Variants in CUBN observed in about 807,000 individuals in gnomAD.
CUBN encodes the protein 460 kDa receptor.
In CUBN, 282 loss-of-function variants were observed where a neutral mutation model predicts 405.3. The observed-to-expected ratio is 0.70, with a 90% CI of 0.63 to 0.77. The LOEUF is 0.77. Among genes scored for constraint, CUBN ranks in the 30% least tolerant of loss-of-function variants. CUBN has a pLI of 0.00. For synonymous variants in CUBN, 1,684 were observed against 1,617.0 expected (o/e 1.04, Z -0.99); for missense variants, 4,514 against 4,475.2 (o/e 1.01, Z -0.25).
At chr10:16,918,293 A>G (rs548518368) in intron 45 of CUBN, among the ~76,000 whole-genome samples, 2 of 152,224 alleles carry the variant, frequency 1.3e-5, no homozygotes, top group East Asian at 3.9e-4. Context: ...TGGGGTCCAT[A>G]TGAGTTTTAA....
intron 6 of CUBN, among the ~76,000 whole-genome samples, chr10:17,118,323 GATAA>G (rs557830936): frequency 3.2e-4 from 48 of 152,312 alleles, no homozygotes; most frequent in African/African-American, 1.1e-3. Context: ...ATTGGCAGAA[GATAA>G]ATAGACACTT....
At chr10:17,109,844 C>G (rs911277212) in intron 9 of CUBN, 109 bp from the exon 10 acceptor site, 1 of 792,606 alleles carries the variant, frequency 1.3e-6, no homozygotes, top group Non-Finnish European at 2.2e-6. Flanking sequence ...GATCCTCTAT[C>G]ATCGAAACAA....
intron 17 of CUBN, among the ~76,000 whole-genome samples, chr10:17,072,432 A>C (rs560552608): frequency 2.0e-5 from 3 of 150,902 alleles, no homozygotes; most frequent in South Asian, 4.1e-4. Flanking sequence ...TAAGGAGTCA[A>C]CTTAAAAACT....
intron 22 of CUBN, among the ~76,000 whole-genome samples, chr10:17,052,339 A>C (rs1293610034): frequency 6.6e-6 from 1 of 152,238 alleles, no homozygotes. Context: ...TCCAAGAAGG[A>C]ATGAAGAACA....
intron 22 of CUBN, among the ~76,000 whole-genome samples, chr10:17,049,964 C>T (rs1158498602): frequency 6.6e-6 from 1 of 152,086 alleles, no homozygotes; most frequent in East Asian, 1.9e-4. Flanking sequence ...CACTGTAGTA[C>T]CTGGCCCAGA....
intron 43 of CUBN, among the ~76,000 whole-genome samples, chr10:16,922,124 A>G (rs1842051311): frequency 6.9e-6 from 1 of 145,922 alleles, no homozygotes; most frequent in Non-Finnish European, 1.5e-5. Flanking sequence ...ATTAGGTTCC[A>G]TGAGGACATG....
At chr10:16,992,192 G>C (rs539970702) in intron 28 of CUBN, among the ~76,000 whole-genome samples, 94 of 151,948 alleles carry the variant, frequency 6.2e-4, no homozygotes, top group Middle Eastern at 3.4e-3. Context: ...ATTCAACAAT[G>C]AGAACACTTG....
intron 31 of CUBN, among the ~76,000 whole-genome samples, chr10:16,964,082 G>C (rs1343834752): frequency 1.3e-5 from 2 of 152,150 alleles, no homozygotes; most frequent in Non-Finnish European, 2.9e-5. Context: ...TGAAGATTTG[G>C]CCAGTCTGGA....
intron 48 of CUBN, among the ~76,000 whole-genome samples, chr10:16,912,986 G>C (rs936015955): frequency 6.6e-6 from 1 of 152,190 alleles, no homozygotes; most frequent in African/African-American, 2.4e-5. Flanking sequence ...TAATCCAAGT[G>C]AACGGTGGGG....
Position 17,049,340 on chromosome 10 carries a change from C to G in CUBN, c.3140-1737G>C, listed in dbSNP as rs192507452. Among the ~76,000 whole-genome samples, 849 of 152,268 alleles carry G rather than the reference C, an allele frequency of 5.6e-3. 6 individuals are homozygous for G. The highest frequency in any genetic ancestry group is 0.02 in the African/African-American group (818 of 41,562). ...ACACAGAGAGCTTTGGCCAGTAAAT[C>G]AAATATTTAGAGGAAATTATCTGTC... On this transcript the variant is annotated intron_variant, in intron 22 of 66. Coordinates refer to ENST00000377833, the MANE Select transcript of CUBN (RefSeq NM_001081.4).
intron 1 of CUBN, 61 bp from the exon 2 acceptor site, chr10:17,129,311 TA>T (rs1837268119): frequency 1.9e-6 from 3 of 1,574,056 alleles, no homozygotes; most frequent in Non-Finnish European, 2.6e-6. Context: ...TAAACCAAAA[TA>T]ACAAAGTTTC....
At chr10:17,087,472 C>CTTTTTCTTTTTT (rs1554818134) in intron 15 of CUBN, among the ~76,000 whole-genome samples, 3 of 71,712 alleles carry the variant, frequency 4.2e-5, no homozygotes, top group African/African-American at 1.4e-4. Context: ...TTTTCTTTTT[C>CTTTTTCTTTTTT]TTTTTTTTTT....
intron 58 of CUBN, among the ~76,000 whole-genome samples, chr10:16,870,815 T>C (rs1290764928): frequency 6.6e-6 from 1 of 152,214 alleles, no homozygotes; most frequent in Non-Finnish European, 1.5e-5. Context: ...TCCTGACAGA[T>C]GCATCCCTAA....
chr10:17,043,649 CA>C (rs1352078623), intron 26 of CUBN, among the ~76,000 whole-genome samples, 177 bp downstream of exon 26: 1 of 152,166 alleles, frequency 6.6e-6, no homozygotes, highest in African/African-American at 2.4e-5. Context: ...AGATGAAGTT[CA>C]ATTGCTCACA....
chr10:17,103,387 T>C, intron 12 of CUBN, 150 bp from the exon 13 acceptor site: 1 of 668,566 alleles, frequency 1.5e-6, no homozygotes, highest in East Asian at 2.8e-5. Flanking sequence ...TCTGTGCCCT[T>C]TTTCTGTCAA....
At chr10:17,072,101 T>G in intron 17 of CUBN, 130 bp from the exon 18 acceptor site, 1 of 724,018 alleles carries the variant, frequency 1.4e-6, no homozygotes, top group Non-Finnish European at 2.3e-6. Flanking sequence ...TACATATTTC[T>G]ATTATTTTCT....
chr10:16,912,188 TA>T (rs1331285541), intron 48 of CUBN, among the ~76,000 whole-genome samples: 2 of 152,162 alleles, frequency 1.3e-5, no homozygotes, highest in Non-Finnish European at 2.9e-5. Flanking sequence ...GAAGGTTGAA[TA>T]AGATCATTTT....
At chr10:17,075,538 T>C (rs1309286381) in intron 17 of CUBN, among the ~76,000 whole-genome samples, 1 of 152,184 alleles carries the variant, frequency 6.6e-6, no homozygotes, top group Non-Finnish European at 1.5e-5. Flanking sequence ...ATCACAAGGA[T>C]ATTCAAGATG....
intron 31 of CUBN, among the ~76,000 whole-genome samples, chr10:16,971,289 G>A (rs939794441): frequency 2.0e-5 from 3 of 152,198 alleles, no homozygotes; most frequent in South Asian, 2.1e-4. Context: ...TTTGGGGTAC[G>A]TTTCCCGTCC....
Sources: gnomAD v4.1 joint callset for allele counts (sites outside exome capture counted in the v4.1 genomes callset) on GRCh38, gnomAD v4.1.1 for gene constraint, MANE v1.5 for transcripts, NCBI Gene and HGNC (gene_info 2026-07-23, HGNC 2026-07-21) for gene names.